Variants in ABCB4 observed in about 807,000 individuals in gnomAD.
The protein encoded by ABCB4 is ATP binding cassette subfamily B member 4.
A neutral mutation model predicts 145.7 loss-of-function variants in ABCB4; 76 were observed. That is an observed-to-expected ratio of 0.52 (90% CI 0.43 to 0.63). ABCB4 has a LOEUF of 0.63. Among genes scored for constraint, ABCB4 ranks in the 30% least tolerant of loss-of-function variants. The probability of loss-of-function intolerance (pLI) is 0.00; values close to 1 mark genes in which losing one functional copy is unlikely to be tolerated. For missense variants in ABCB4, 1,234 were observed against 1,553.1 expected (o/e 0.79, Z 3.45); for synonymous variants, 517 against 566.8 (o/e 0.91, Z 1.25).
the ABCB4 span, among the ~76,000 whole-genome samples, chr7:87,387,884 A>G: frequency 6.6e-6 from 1 of 152,206 alleles, no homozygotes; most frequent in African/African-American, 2.4e-5. Flanking sequence ...CCCAGGAGGT[A>G]GAGGTTGCAG....
intron 3 of ABCB4, among the ~76,000 whole-genome samples, chr7:87,463,724 C>T (rs147808248): frequency 2.6e-5 from 4 of 152,100 alleles, no homozygotes; most frequent in South Asian, 2.1e-4. Context: ...AGAAGGCCTG[C>T]GCTGGTGGGC....
At chr7:87,396,671 A>G in the ABCB4 span, among the ~76,000 whole-genome samples, 16 of 145,564 alleles carry the variant, frequency 1.1e-4, no homozygotes, top group Middle Eastern at 3.2e-3. Context: ...TGCATTTTAA[A>G]TGTATTACAT....
intron 3 of ABCB4, among the ~76,000 whole-genome samples, chr7:87,468,951 A>T (rs1320102144): frequency 7.0e-6 from 1 of 142,038 alleles, no homozygotes; most frequent in Admixed American, 6.8e-5. Context: ...TAAATAAAAT[A>T]AAATAAAATA....
At chr7:87,437,808 C>T (rs1810709227) in intron 14 of ABCB4, among the ~76,000 whole-genome samples, 1 of 152,242 alleles carries the variant, frequency 6.6e-6, no homozygotes. Flanking sequence ...TTAACCATCA[C>T]CCTAAGCTGC....
In ABCB4 at chr7:87,439,698, C is replaced by T; in HGVS notation, c.1700G>A (p.Ser567Asn). ...CAGAGCTGCCTGTACCTCAGCTTCA[C>T]TTTCTGTGTCCAATGCTGACGTGGC... ...DEATSALDTE[S>N]EAEVQAALDK... Residue 567 changes from serine (S) to asparagine (N), a missense_variant, in exon 14 of 28, where the codon AGT (serine) becomes AAT (asparagine). Ser to Asn is a conservative substitution (Grantham distance 46). Transcript: ENST00000649586. 6.2e-7 allele frequency: 1 copy of T among 1,614,180 alleles called. No homozygotes were observed. Among genetic ancestry groups the T allele is most frequent in the Non-Finnish European group, 8.5e-7 (1 of 1,180,022 alleles).
chr7:87,457,339 G>T (rs568017210), intron 4 of ABCB4, among the ~76,000 whole-genome samples: 2 of 152,146 alleles, frequency 1.3e-5, no homozygotes, highest in African/African-American at 4.8e-5. Context: ...GAGCCCAGGA[G>T]CTCAAGGCTG....
intron 3 of ABCB4, among the ~76,000 whole-genome samples, chr7:87,471,460 AT>A (rs1019099260): frequency 1.3e-5 from 2 of 151,828 alleles, no homozygotes; most frequent in African/African-American, 2.4e-5. Flanking sequence ...CAAAGTGCTA[AT>A]TTTTTTTTAA....
rs4148826 is a variant in ABCB4, at chr7:87,445,103, T to C, written c.1006-128A>G. 147,421 of 682,130 alleles carry C rather than the reference T, an allele frequency of 0.22. 18,969 individuals carry two copies. Among genetic ancestry groups the C allele is most frequent in the African/African-American group, 0.49 (26,997 of 54,890 alleles). The allele number at this position is 682,130 out of a possible 1,614,324, so 42.3% of individuals were successfully genotyped here. The stretch of plus-strand genomic sequence containing the variant: ...GGTTTATCCTTTCCTTTTTTTTTTG[T>C]GGAAGAGCAACATTTGCAAGGCTAA... On this transcript the variant is annotated intron_variant, in intron 9 of 27. Coordinates refer to ENST00000649586, the MANE Select transcript of ABCB4 (RefSeq NM_000443.4).
At chr7:87,378,432 G>A in the ABCB4 span, among the ~76,000 whole-genome samples, 8 of 151,900 alleles carry the variant, frequency 5.3e-5, no homozygotes, top group East Asian at 1.9e-4. Flanking sequence ...TAGCGTTAGC[G>A]TAAGAAGATA....
chr7:87,408,794 A>C (rs1057314103), intron 24 of ABCB4, among the ~76,000 whole-genome samples: 1 of 152,182 alleles, frequency 6.6e-6, no homozygotes, highest in South Asian at 2.1e-4. Flanking sequence ...TACAAAGAAC[A>C]CTCAGATGTG....
the ABCB4 span, among the ~76,000 whole-genome samples, chr7:87,381,353 C>T: frequency 5.9e-5 from 9 of 152,120 alleles, no homozygotes; most frequent in South Asian, 2.1e-4. Context: ...GAAACAGCCC[C>T]GTAACACCCA....
At position 87,415,356 on chromosome 7, in the gene ABCB4, T is replaced by C. The variant is rs1808894804; in HGVS notation, c.2683-1639A>G. 2.0e-5 allele frequency among the ~76,000 whole-genome samples: 3 copies of C among 147,764 alleles called. No homozygotes were observed. In the South Asian group the frequency reaches 6.5e-4, roughly 32 times the overall value. ...GAGTGTTTCTTTTTAAATAGTGATT[T>C]GGGGTTTTTCTAGAACCTTCTTTCC... On this transcript the variant is annotated intron_variant, in intron 21 of 27. Coordinates refer to ENST00000649586, the MANE Select transcript of ABCB4 (RefSeq NM_000443.4).
intron 27 of ABCB4, among the ~76,000 whole-genome samples, chr7:87,402,740 G>A (rs1264416835): frequency 2.0e-5 from 3 of 152,100 alleles, no homozygotes; most frequent in African/African-American, 4.8e-5. Flanking sequence ...GGTGGCTCAC[G>A]CCTGTAATCC....
chr7:87,437,972 C>T (rs939135838), intron 14 of ABCB4, among the ~76,000 whole-genome samples: 7 of 152,152 alleles, frequency 4.6e-5, no homozygotes, highest in Admixed American at 2.0e-4. Flanking sequence ...TGTCCAAATA[C>T]GTACTAAAAC....
chr7:87,462,185 C>T (rs1317158126), intron 4 of ABCB4, among the ~76,000 whole-genome samples: 5 of 152,182 alleles, frequency 3.3e-5, no homozygotes, highest in African/African-American at 4.8e-5. Flanking sequence ...ACACTTGGCT[C>T]TTCAGTAATC....
intron 17 of ABCB4, 169 bp downstream of exon 17, chr7:87,423,737 G>T (rs1375471005): frequency 1.1e-5 from 8 of 734,508 alleles, no homozygotes; most frequent in Non-Finnish European, 1.8e-5. Context: ...TGATTCAAAG[G>T]CTACTTATCT....
chr7:87,394,234 C>G, the ABCB4 span, among the ~76,000 whole-genome samples: 67 of 152,282 alleles, frequency 4.4e-4, no homozygotes, highest in Non-Finnish European at 7.1e-4. Flanking sequence ...TAAAGAGTTG[C>G]AAGTATCTCC....
the ABCB4 span, among the ~76,000 whole-genome samples, chr7:87,389,423 C>T: frequency 2.0e-5 from 3 of 152,172 alleles, no homozygotes; most frequent in African/African-American, 7.2e-5. Flanking sequence ...CACATATACA[C>T]CATGGAATAC....
chr7:87,397,886 G>A (rs567905745), downstream of ABCB4, among the ~76,000 whole-genome samples: 1 of 151,998 alleles, frequency 6.6e-6, no homozygotes, highest in Non-Finnish European at 1.5e-5. Flanking sequence ...TTCATATTTC[G>A]CTATAGAAAC....
Sources: allele counts gnomAD v4.1 joint callset (sites outside exome capture counted in the v4.1 genomes callset), GRCh38; gene constraint gnomAD v4.1.1; transcripts MANE v1.5; gene names NCBI Gene and HGNC (gene_info 2026-07-23, HGNC 2026-07-21).